The following ZNF229 variants were observed in gnomAD, a reference collection of about 807,000 sequenced individuals.
ZNF229 encodes the protein zinc finger protein 229.
In ZNF229, 10 loss-of-function variants were observed where a neutral mutation model predicts 11.8. The observed-to-expected ratio is 0.85, with a 90% CI of 0.52 to 1.44. ZNF229 has a LOEUF of 1.44. Ranked by LOEUF, ZNF229 falls within the 40% of genes most tolerant of loss-of-function variation. ZNF229 has a pLI of 0.00. For missense variants in ZNF229, 1,045 were observed against 1,015.1 expected, an observed-to-expected ratio of 1.03 and a Z score of -0.40; for synonymous variants, 368 against 374.8, an observed-to-expected ratio of 0.98 and a Z score of 0.21.
intron 4 of ZNF229, among the ~76,000 whole-genome samples, chr19:44,438,053 C>T (rs1170205769): frequency 6.6e-6 from 1 of 152,096 alleles, no homozygotes; most frequent in Non-Finnish European, 1.5e-5. Flanking sequence ...ATAATCTGTA[C>T]AACAAACCCC....
Position 44,432,070 on chromosome 19 carries a change from A to C in ZNF229, c.238+152T>G. The C allele has an allele frequency of 7.3e-7, 1 of 1,377,118 alleles. No individual in the cohort carries two copies. Among genetic ancestry groups the C allele is most frequent in the African/African-American group, 1.5e-5 (1 of 67,262 alleles). The allele number at this position is 1,377,118 out of a possible 1,614,324, so 85.3% of individuals were successfully genotyped here. A position where few individuals can be genotyped will look rare whatever the true frequency, so the allele number is the denominator to read the frequency against. ...CTCAGACTGTGCCTTCCAGAAATAAACTTCTGTTGTTTATATGCCACTCAG... is the reference window on the plus strand; with the variant it reads ...CTCAGACTGTGCCTTCCAGAAATAACCTTCTGTTGTTTATATGCCACTCAG... On this transcript the variant is annotated intron_variant, in intron 5 of 5. Transcript: ENST00000614049.
intron 4 of ZNF229, among the ~76,000 whole-genome samples, chr19:44,442,198 A>G (rs1971923311): frequency 6.6e-6 from 1 of 152,242 alleles, no homozygotes; most frequent in Admixed American, 6.5e-5. Flanking sequence ...CTATAAATGA[A>G]TAACGTTCCA....
rs147222838 is a variant in ZNF229, at chr19:44,441,001, G to A, written c.93+1562C>T. ...CAGCTTCCCAAAGTGCTAAGATTAC[G>A]AGCCACTGCACCTGGCCCACAACAT... On this transcript the variant is annotated intron_variant, in intron 4 of 5. Coordinates refer to ENST00000614049, the MANE Select transcript of ZNF229 (RefSeq NM_014518.4). 7.6e-3 allele frequency among the ~76,000 whole-genome samples: 1,154 copies of A among 152,104 alleles called. 12 individuals are homozygous for A. The highest frequency in any genetic ancestry group is 0.025 in the African/African-American group (1,050 of 41,478).
intron 4 of ZNF229, among the ~76,000 whole-genome samples, chr19:44,439,529 C>G (rs183336032): frequency 4.6e-5 from 7 of 152,050 alleles, no homozygotes; most frequent in African/African-American, 1.7e-4. Flanking sequence ...CTGCAACCTC[C>G]GCCTCCCAGG....
At position 44,428,688 on chromosome 19, in the gene ZNF229, T is replaced by C. The variant is rs769050728; in HGVS notation, c.2093A>G (p.Asn698Ser). The part of the protein sequence containing the change: ...QCGKGFSYGS[N>S]LRTHQRLHTG... ...GTGCAACCTCTGGTGGGTGCGAAGA[T>C]TAGAGCCATAACTGAATCCCTTGCC... The change falls in exon 6 of 6, where the codon AAT (asparagine) becomes AGT (serine). Residue 698 changes from asparagine to serine, a missense_variant. Physicochemically the swap from Asn to Ser is conservative, Grantham distance 46. Transcript: ENST00000614049. 4.3e-6 allele frequency: 7 copies of C among 1,613,122 alleles called. No individual in the cohort carries two copies. Among genetic ancestry groups the C allele is most frequent in the East Asian group, 2.2e-5 (1 of 44,766 alleles).
At position 44,429,192 on chromosome 19, in the gene ZNF229, G is replaced by T. The variant is rs531253718; in HGVS notation, c.1589C>A (p.Ser530Ter). The part of the protein sequence containing the change: ...NVCGKSFSYS[S>*]GLLMHQRLHT... Reference sequence around the variant, plus strand: ...CAGTCTCTGATGCATGAGAAGCCCTGAGCTGTAACTGAAACTCTTACCACA... The same window carrying T: ...CAGTCTCTGATGCATGAGAAGCCCTTAGCTGTAACTGAAACTCTTACCACA... Residue 530 changes from serine (S) to a stop codon, truncating the protein, a stop_gained, in exon 6 of 6, where the codon TCA becomes TAA. Coordinates refer to ENST00000614049, the MANE Select transcript of ZNF229 (RefSeq NM_014518.4). LOFTEE classifies it low-confidence loss of function (END_TRUNC). 21 of 1,613,992 alleles carry T rather than the reference G, an allele frequency of 1.3e-5. No homozygotes were observed. Among genetic ancestry groups the T allele is most frequent in the Non-Finnish European group, 1.8e-5 (21 of 1,180,044 alleles).
chr19:44,431,527 G>A (rs571312822), intron 5 of ZNF229, among the ~76,000 whole-genome samples: 4 of 152,208 alleles, frequency 2.6e-5, no homozygotes, highest in South Asian at 4.1e-4. Context: ...TTAGAGGGAC[G>A]GAAGTCCAGA....
At chr19:44,435,898 T>C (rs150471641) in intron 4 of ZNF229, among the ~76,000 whole-genome samples, 213 of 152,330 alleles carry the variant, frequency 1.4e-3, no homozygotes, top group African/African-American at 4.9e-3. Context: ...AAGTAGGCGG[T>C]GGCCAGATCA....
At chr19:44,434,068 G>A (rs1167737921) in intron 4 of ZNF229, among the ~76,000 whole-genome samples, 1 of 152,178 alleles carries the variant, frequency 6.6e-6, no homozygotes, top group East Asian at 1.9e-4. Flanking sequence ...CCCACTGTGA[G>A]CACTTCTTCA....
At position 44,429,722 on chromosome 19, in the gene ZNF229, G is replaced by C; in HGVS notation, c.1059C>G (p.Val353=). ...ATTTATACCTGAACCCCTTTCCACAGACATCACATCTATAGGGCATGTCTC... is the reference window on the plus strand; with the variant it reads ...ATTTATACCTGAACCCCTTTCCACACACATCACATCTATAGGGCATGTCTC... ...PVGDMPYRCD[V]CGKGFRYKSV... The change falls in exon 6 of 6, where the codon GTC becomes GTG. Residue 353 remains valine, a synonymous_variant. Transcript: ENST00000614049. 3.1e-6 allele frequency: 5 copies of C among 1,614,120 alleles called. No individual in the cohort carries two copies. The highest frequency in any genetic ancestry group is 4.2e-6 in the Non-Finnish European group (5 of 1,180,032).
At chr19:44,437,975 T>C (rs988221009) in intron 4 of ZNF229, among the ~76,000 whole-genome samples, 3 of 152,040 alleles carry the variant, frequency 2.0e-5, no homozygotes, top group African/African-American at 7.2e-5. Flanking sequence ...TGAGAGTGGA[T>C]AGTGGGAGGA....
Position 44,430,345 on chromosome 19 carries a change from C to T in ZNF229, c.436G>A (p.Ala146Thr), listed in dbSNP as rs1210193675. ...DAAPHQGWEG[A>T]STPCFPIENF... is the part of the protein sequence containing the mutation. The stretch of plus-strand genomic sequence containing the variant: ...TCAATTGGAAAACACGGCGTAGATG[C>T]TCCTTCCCACCCTTGATGGGGAGCA... The change falls in exon 6 of 6, where the codon GCA (alanine) becomes ACA (threonine). Residue 146 changes from alanine to threonine, a missense_variant. Ala to Thr is a moderately conservative substitution (Grantham distance 58, BLOSUM62 0). Coordinates refer to ENST00000614049, the MANE Select transcript of ZNF229 (RefSeq NM_014518.4). 3 of 1,614,098 alleles carry T rather than the reference C, an allele frequency of 1.9e-6. No homozygotes were observed. The highest frequency in any genetic ancestry group is 2.2e-5 in the South Asian group (2 of 91,076).
chr19:44,444,591 G>A (rs1194404734), intron 2 of ZNF229, among the ~76,000 whole-genome samples: 1 of 152,182 alleles, frequency 6.6e-6, no homozygotes, highest in Non-Finnish European at 1.5e-5. Flanking sequence ...GATCCTCTAG[G>A]ACTGCGCTTT....
chr19:44,443,789 T>C (rs1208043493), intron 2 of ZNF229, among the ~76,000 whole-genome samples: 2 of 152,216 alleles, frequency 1.3e-5, no homozygotes, highest in Non-Finnish European at 2.9e-5. Flanking sequence ...TATTGTGGCT[T>C]AGCACCTATG....
At chr19:44,444,692 G>A (rs1324569345) in intron 2 of ZNF229, among the ~76,000 whole-genome samples, 11 of 152,218 alleles carry the variant, frequency 7.2e-5, no homozygotes, top group Admixed American at 4.6e-4. Flanking sequence ...CTGTATCTCT[G>A]CAGTAGAGCC....
rs753111982 is a variant in ZNF229 at position 44,432,381 on chromosome 19, C to T, written c.94-15G>A. The stretch of plus-strand genomic sequence containing the variant: ...CTCAATGGCTCCTAAAATGAAAAAC[C>T]ATTAACACAAACATCTACTAGATGA... On this transcript the variant is annotated splice_polypyrimidine_tract_variant and intron_variant, in intron 4 of 5. Transcript: ENST00000614049. 6.8e-6 allele frequency: 11 copies of T among 1,611,952 alleles called. No homozygotes were observed. In the Admixed American group the frequency reaches 1.2e-4, roughly 17 times the overall value.
intron 2 of ZNF229, among the ~76,000 whole-genome samples, chr19:44,445,661 C>T (rs1971991003): frequency 6.6e-6 from 1 of 152,178 alleles, no homozygotes; most frequent in Non-Finnish European, 1.5e-5. Context: ...CCTACACCCT[C>T]CTCTGCTTCA....
rs1971608538 is a variant in ZNF229, at chr19:44,427,912, T to C, written c.*391A>G. The C allele has an allele frequency of 5.9e-6, 1 of 170,146 alleles. No individual in the cohort carries two copies. The highest frequency in any genetic ancestry group is 1.7e-4 in the South Asian group (1 of 6,060). 10.5% of individuals were successfully genotyped at this position (170,146 alleles called of 1,614,324 possible). On this transcript the variant is annotated 3_prime_UTR_variant, in exon 6 of 6. Transcript: ENST00000614049. ...TTTTAGAAAGGTGGAAACTTGTTTC[T>C]ACACTGTCCCATTGGTAGCTATCAA... is the stretch of plus-strand genomic sequence containing the variant.
chr19:44,430,598 C>A, intron 5 of ZNF229, 56 bp from the exon 6 acceptor site: 1 of 1,491,318 alleles, frequency 6.7e-7, no homozygotes, highest in Admixed American at 2.2e-5. Context: ...GGCTCAGGGA[C>A]ATCAGACTTT....
Sources: gnomAD v4.1 joint callset for allele counts (sites outside exome capture counted in the v4.1 genomes callset) on GRCh38, gnomAD v4.1.1 for gene constraint, MANE v1.5 for transcripts, NCBI Gene and HGNC (gene_info 2026-07-23, HGNC 2026-07-21) for gene names.